SCAMP2: variants seen among roughly 807,000 people sequenced by gnomAD.
SCAMP2 encodes secretory carrier-associated membrane protein 2.
In SCAMP2, 25 loss-of-function variants were observed where a neutral mutation model predicts 44.1. The observed-to-expected ratio is 0.57, with a 90% CI of 0.41 to 0.79. The LOEUF (loss-of-function observed/expected upper bound fraction) is 0.79. Ranked by LOEUF, SCAMP2 falls within the 30% of genes least tolerant of loss-of-function variation. The pLI is 0.00. For missense variants in SCAMP2, 355 were observed against 411.0 expected (o/e 0.86, Z 1.18); for synonymous variants, 156 against 166.0 (o/e 0.94, Z 0.46).
At chr15:74,860,391 T>G (rs1406437918) in intron 1 of SCAMP2, among the ~76,000 whole-genome samples, 1 of 147,108 alleles carries the variant, frequency 6.8e-6, no homozygotes, top group Non-Finnish European at 1.5e-5. Context: ...CCATCTCTAT[T>G]AAAAATACAA....
At chr15:74,859,729 G>A (rs140568682) in intron 1 of SCAMP2, among the ~76,000 whole-genome samples, 63 of 151,068 alleles carry the variant, frequency 4.2e-4, no homozygotes, top group African/African-American at 1.5e-3. Context: ...CGATTCTCGT[G>A]CCTCAGCCTC....
intron 6 of SCAMP2, among the ~76,000 whole-genome samples, chr15:74,849,128 G>T (rs1392381530): frequency 2.6e-5 from 4 of 152,102 alleles, no homozygotes; most frequent in Non-Finnish European, 5.9e-5. Context: ...TAACAGGCAA[G>T]AAAAACTAAG....
chr15:74,851,730 T>C (rs1329197449), intron 4 of SCAMP2, among the ~76,000 whole-genome samples: 1 of 152,158 alleles, frequency 6.6e-6, no homozygotes, highest in Non-Finnish European at 1.5e-5. Flanking sequence ...CTAAATGGCC[T>C]AAGTGATTAT....
intron 6 of SCAMP2, among the ~76,000 whole-genome samples, chr15:74,849,580 C>G (rs1380445005): frequency 6.6e-6 from 1 of 152,118 alleles, no homozygotes; most frequent in African/African-American, 2.4e-5. Flanking sequence ...CCCATCGCTA[C>G]TAAAAATACA....
chr15:74,848,818 G>A (rs2064415831), intron 6 of SCAMP2, 117 bp from the exon 7 acceptor site: 1 of 677,918 alleles, frequency 1.5e-6, no homozygotes, highest in Non-Finnish European at 2.6e-6. Context: ...GCAAGAGACA[G>A]AGCTCCAGGG....
In SCAMP2 at chr15:74,845,004, C is replaced by T. The variant is rs919234712; in HGVS notation, c.*79G>A. On this transcript the variant is annotated 3_prime_UTR_variant, in exon 9 of 9. Transcript: ENST00000268099. ...CCAGGTCTGTGCTGGGCACAACCAC[C>T]ACCACATAAGGCACCCACGGAAAGT... 2 of 1,516,278 alleles carry T rather than the reference C, an allele frequency of 1.3e-6. No individual in the cohort carries two copies. The highest frequency in any genetic ancestry group is 2.8e-5 in the African/African-American group (2 of 72,562). The allele number at this position is 1,516,278 out of a possible 1,614,324, so 93.9% of individuals were successfully genotyped here. A position where few individuals can be genotyped will look rare whatever the true frequency, so the allele number is the denominator to read the frequency against.
chr15:74,850,704 T>G (rs1426147893), intron 5 of SCAMP2, 31 bp from the exon 6 acceptor site: 3 of 1,611,536 alleles, frequency 1.9e-6, no homozygotes, highest in Non-Finnish European at 2.5e-6. Flanking sequence ...GAGTTATGAC[T>G]TGTGCCACAG....
intron 1 of SCAMP2, among the ~76,000 whole-genome samples, chr15:74,856,158 A>C (rs1365732767): frequency 1.3e-5 from 2 of 150,244 alleles, no homozygotes; most frequent in African/African-American, 4.9e-5. Flanking sequence ...CTGTGGAGAC[A>C]CCGCTTGGGT....
chr15:74,853,778 C>T, intron 3 of SCAMP2: 4 of 560,998 alleles, frequency 7.1e-6, no homozygotes, highest in Non-Finnish European at 1.3e-5. Flanking sequence ...ACCGAGGAGC[C>T]CGGCCTGGTG....
intron 1 of SCAMP2, among the ~76,000 whole-genome samples, chr15:74,869,617 T>G (rs919449589): frequency 5.3e-5 from 8 of 152,222 alleles, no homozygotes; most frequent in African/African-American, 1.4e-4. Flanking sequence ...AACTGATGAC[T>G]CTGGCACATA....
chr15:74,854,777 CTGGA>C, intron 1 of SCAMP2, 128 bp from the exon 2 acceptor site: 1 of 757,056 alleles, frequency 1.3e-6, no homozygotes, highest in Non-Finnish European at 2.2e-6. Flanking sequence ...AGAAGCCTCT[CTGGA>C]AGGGTCCTGT....
At chr15:74,851,914 T>A in intron 4 of SCAMP2, 155 bp downstream of exon 4, 1 of 532,818 alleles carries the variant, frequency 1.9e-6, no homozygotes, top group East Asian at 3.0e-5. Flanking sequence ...GACTTGCAAC[T>A]TACTGCTCTT....
chr15:74,853,669 A>G lies in SCAMP2; in HGVS notation c.225+352T>C, dbSNP rs1327756210. ...AAGGTGAGAATTAATGAAGTTAAAA[A>G]AAAGAGAGAGATTCTGGGCCCCAAG... is the stretch of plus-strand genomic sequence containing the variant. On this transcript the variant is annotated intron_variant, in intron 3 of 8. Coordinates refer to ENST00000268099, the MANE Select transcript of SCAMP2 (RefSeq NM_005697.5). 1.3e-5 allele frequency: 5 copies of G among 395,746 alleles called. No homozygotes were observed. The East Asian group carries it at 3.0e-4, about 23-fold the overall frequency. 24.5% of individuals were successfully genotyped at this position (395,746 alleles called of 1,614,324 possible). A position where few individuals can be genotyped will look rare whatever the true frequency, so the allele number is the denominator to read the frequency against.
chr15:74,857,026 A>G (rs2064473180), intron 1 of SCAMP2, among the ~76,000 whole-genome samples: 1 of 152,196 alleles, frequency 6.6e-6, no homozygotes, highest in Non-Finnish European at 1.5e-5. Context: ...CTTACTCTGA[A>G]TATTTATAGA....
chr15:74,851,590 C>T, intron 4 of SCAMP2, 109 bp from the exon 5 acceptor site: 1 of 1,409,798 alleles, frequency 7.1e-7, no homozygotes. Flanking sequence ...CCCAGAGGGG[C>T]TCCAGCAAGC....
rs766455179 is a variant in SCAMP2 at position 74,845,127 on chromosome 15, T to C, written c.946A>G (p.Arg316Gly). The C allele has an allele frequency of 5.0e-6, 8 of 1,613,770 alleles. No individual in the cohort carries two copies. The highest frequency in any genetic ancestry group is 1.6e-4 in the Middle Eastern group (1 of 6,070). The change falls in exon 9 of 9, where the codon AGA becomes GGA. Residue 316 changes from arginine (R) to glycine (G), a missense_variant. Arg to Gly is a moderately radical substitution (Grantham distance 125). Transcript: ENST00000268099. ...CCTTGGGCAGCAGATGAAGCAGCTC[T>C]GTGGAAGGTTCTGCTGCTGAAGATG... The part of the protein sequence containing the change: ...QGIFSSRTFH[R>G]AASSAAQGAF...
At chr15:74,850,751 G>A in intron 5 of SCAMP2, 78 bp from the exon 6 acceptor site, 1 of 1,479,740 alleles carries the variant, frequency 6.8e-7, no homozygotes, top group Non-Finnish European at 9.3e-7. Flanking sequence ...CACTCCCTAG[G>A]AGAGGTGAGG....
intron 1 of SCAMP2, among the ~76,000 whole-genome samples, chr15:74,868,225 T>C (rs2064554929): frequency 1.3e-5 from 2 of 152,258 alleles, no homozygotes; most frequent in Non-Finnish European, 2.9e-5. Flanking sequence ...GGCACACTCA[T>C]ATCTTAACTT....
At chr15:74,852,216 G>T in intron 3 of SCAMP2, 30 bp from the exon 4 acceptor site, 1 of 1,419,618 alleles carries the variant, frequency 7.0e-7, no homozygotes, top group Non-Finnish European at 9.3e-7. Flanking sequence ...TACAGGGACA[G>T]CCAGACACAA....
Sources: allele counts gnomAD v4.1 joint callset (sites outside exome capture counted in the v4.1 genomes callset), GRCh38; gene constraint gnomAD v4.1.1; transcripts MANE v1.5; gene names NCBI Gene and HGNC (gene_info 2026-07-23, HGNC 2026-07-21).